The following TMEM108 variants were observed in gnomAD, a reference collection of about 807,000 sequenced individuals.
TMEM108 encodes transmembrane protein 108.
In TMEM108, 12 loss-of-function variants were observed where a neutral mutation model predicts 35.1. The observed-to-expected ratio is 0.34, with a 90% CI of 0.22 to 0.55. TMEM108 has a LOEUF of 0.55. TMEM108 is among the 20% of genes least tolerant of loss of function. TMEM108 has a pLI of 0.89. For synonymous variants in TMEM108, 287 were observed against 308.6 expected (o/e 0.93, Z 0.73); for missense variants, 680 against 753.3 (o/e 0.90, Z 1.14).
intron 2 of TMEM108, among the ~76,000 whole-genome samples, chr3:133,176,384 A>C (rs973769264): frequency 5.9e-5 from 9 of 152,220 alleles, no homozygotes; most frequent in African/African-American, 2.2e-4. Flanking sequence ...TTTCAGCACC[A>C]CATCGCTCTT....
At chr3:133,272,819 T>A (rs1433869095) in intron 3 of TMEM108, among the ~76,000 whole-genome samples, 1 of 152,152 alleles carries the variant, frequency 6.6e-6, no homozygotes, top group Non-Finnish European at 1.5e-5. Flanking sequence ...AAGAGGGATA[T>A]GGAAATGTAT....
At position 133,167,387 on chromosome 3, in the gene TMEM108, C is replaced by T. The variant is rs538479690; in HGVS notation, c.-46-61879C>T. Among the ~76,000 whole-genome samples, 572 of 152,384 alleles carry T rather than the reference C, an allele frequency of 3.8e-3. 4 individuals are homozygous for T. Among genetic ancestry groups the T allele is most frequent in the African/African-American group, 0.013 (528 of 41,592 alleles). ...TGGGCAGAGCTGCCTGCCAGTCCCGCGCTGTGCGCCCGCACTCCTCAGCCC... is the reference window on the plus strand; with the variant it reads ...TGGGCAGAGCTGCCTGCCAGTCCCGTGCTGTGCGCCCGCACTCCTCAGCCC... On this transcript the variant is annotated intron_variant, in intron 2 of 5. Coordinates refer to ENST00000321871, the MANE Select transcript of TMEM108 (RefSeq NM_023943.4).
At chr3:133,044,549 A>G (rs1943312280) in intron 1 of TMEM108, among the ~76,000 whole-genome samples, 1 of 152,240 alleles carries the variant, frequency 6.6e-6, no homozygotes. Flanking sequence ...GGACAACAGC[A>G]TCAGTATTAT....
In TMEM108 at chr3:133,209,033, T is replaced by C. The variant is rs114909394; in HGVS notation, c.-46-20233T>C. On this transcript the variant is annotated intron_variant, in intron 2 of 5. Transcript: ENST00000321871. ...GTTGTACCCATTTTATTGATAGTAA[T>C]GCTGAGACTCAAGAAGGGTAAGGCT... is the stretch of plus-strand genomic sequence containing the variant. 8.3e-3 allele frequency among the ~76,000 whole-genome samples: 1,260 copies of C among 152,256 alleles called. 18 individuals are homozygous for C. Among genetic ancestry groups the C allele is most frequent in the African/African-American group, 0.028 (1,150 of 41,556 alleles).
rs2073324563 is a variant in TMEM108 at position 133,397,646 on chromosome 3, T to C, written c.*1660T>C. 6.6e-6 allele frequency: 1 copy of C among 152,144 alleles called. No individual in the cohort carries two copies. 9.4% of individuals were successfully genotyped at this position (152,144 alleles called of 1,614,324 possible). ...AAAAATCTGTTTGTAAAGTAAAATT[T>C]ATATATAATATATGTAATCAAAGAT... On this transcript the variant is annotated 3_prime_UTR_variant, in exon 6 of 6. Coordinates refer to ENST00000321871, the MANE Select transcript of TMEM108 (RefSeq NM_023943.4).
At chr3:133,388,079 G>A (rs2073180277) in intron 4 of TMEM108, 1 of 985,342 alleles carries the variant, frequency 1.0e-6, no homozygotes, top group African/African-American at 1.7e-5. Context: ...GAGCTGTTCT[G>A]TTTGTCCTGA....
chr3:133,039,388 T>A (rs1422927071), intron 1 of TMEM108, among the ~76,000 whole-genome samples: 1 of 152,180 alleles, frequency 6.6e-6, no homozygotes, highest in African/African-American at 2.4e-5. Flanking sequence ...AAACTAAACC[T>A]ACTCACACGT....
chr3:133,137,206 ATC>A (rs1360387458), intron 2 of TMEM108, among the ~76,000 whole-genome samples: 1 of 152,216 alleles, frequency 6.6e-6, no homozygotes, highest in Non-Finnish European at 1.5e-5. Flanking sequence ...ATCTCATTTA[ATC>A]TATTGTGCAA....
At chr3:133,242,347 G>T in intron 3 of TMEM108, among the ~76,000 whole-genome samples, 1 of 152,206 alleles carries the variant, frequency 6.6e-6, no homozygotes, top group East Asian at 1.9e-4. Flanking sequence ...AAGGTGCTCA[G>T]TAAGTGGAGG....
At chr3:133,050,976 G>T (rs543898149) in intron 2 of TMEM108, among the ~76,000 whole-genome samples, 44 of 129,134 alleles carry the variant, frequency 3.4e-4, no homozygotes, top group African/African-American at 1.1e-3. Context: ...ATCTGTGTGC[G>T]AGTTTTTTTT....
chr3:133,132,924 G>A (rs1488716168), intron 2 of TMEM108, among the ~76,000 whole-genome samples: 1 of 152,164 alleles, frequency 6.6e-6, no homozygotes. Flanking sequence ...TTCAGTGGAG[G>A]AAGTCACTGC....
At chr3:133,325,607 A>C (rs562408091) in intron 3 of TMEM108, among the ~76,000 whole-genome samples, 1 of 152,258 alleles carries the variant, frequency 6.6e-6, no homozygotes, top group South Asian at 2.1e-4. Flanking sequence ...CAGCAGTCCT[A>C]GCTACTTGGG....
chr3:133,371,443 C>A (rs1244359823), intron 3 of TMEM108, among the ~76,000 whole-genome samples: 1 of 152,032 alleles, frequency 6.6e-6, no homozygotes, highest in Non-Finnish European at 1.5e-5. Context: ...AGGCCGTGAA[C>A]CTCAGTTCCT....
intron 2 of TMEM108, among the ~76,000 whole-genome samples, chr3:133,139,790 G>A (rs1944616508): frequency 6.6e-6 from 1 of 152,188 alleles, no homozygotes; most frequent in African/African-American, 2.4e-5. Context: ...CTTGATGTTA[G>A]GCTGTCCTGA....
intron 2 of TMEM108, among the ~76,000 whole-genome samples, chr3:133,162,554 G>A (rs977523071): frequency 3.3e-5 from 5 of 152,188 alleles, no homozygotes; most frequent in Non-Finnish European, 7.3e-5. Flanking sequence ...AGTGGGTTCT[G>A]TCTTCCAGAG....
chr3:133,177,827 A>T (rs1174829973), intron 2 of TMEM108, among the ~76,000 whole-genome samples: 15 of 152,114 alleles, frequency 9.9e-5, no homozygotes, highest in Non-Finnish European at 1.9e-4. Flanking sequence ...ATTAGGCAGG[A>T]GAAGGAAATA....
chr3:133,059,594 A>G (rs1943513264), intron 2 of TMEM108, among the ~76,000 whole-genome samples: 1 of 152,214 alleles, frequency 6.6e-6, no homozygotes, highest in South Asian at 2.1e-4. Flanking sequence ...CAGACCTCGC[A>G]TAAATTGGCT....
intron 2 of TMEM108, among the ~76,000 whole-genome samples, chr3:133,147,553 C>T (rs927045639): frequency 1.3e-5 from 2 of 152,160 alleles, no homozygotes; most frequent in African/African-American, 4.8e-5. Flanking sequence ...AATGTCTGTT[C>T]ATGTCCTTTG....
rs542311127 is a variant in TMEM108, at chr3:133,334,353, G to A, written c.41-45399G>A. 2.0e-5 allele frequency among the ~76,000 whole-genome samples: 3 copies of A among 152,288 alleles called. No individual in the cohort carries two copies. The South Asian group carries it at 6.2e-4, about 32-fold the overall frequency. On this transcript the variant is annotated intron_variant, in intron 3 of 5. Coordinates refer to ENST00000321871, the MANE Select transcript of TMEM108 (RefSeq NM_023943.4). ...TAAGACAAAAAACGAGACCCAGTAAGACTGACAACCCTCACTTAAATTAAG... is the reference window on the plus strand; with the variant it reads ...TAAGACAAAAAACGAGACCCAGTAAAACTGACAACCCTCACTTAAATTAAG...
Sources: gnomAD v4.1 joint callset for allele counts (sites outside exome capture counted in the v4.1 genomes callset) on GRCh38, gnomAD v4.1.1 for gene constraint, MANE v1.5 for transcripts, NCBI Gene and HGNC (gene_info 2026-07-23, HGNC 2026-07-21) for gene names.